The following FKBP11 variants were observed in gnomAD, a reference collection of about 807,000 sequenced individuals.
FKBP11 encodes peptidyl-prolyl cis-trans isomerase FKBP11.
Under a neutral mutation model 24.7 loss-of-function variants are expected in FKBP11, and 21 were observed. That is an observed-to-expected ratio of 0.85 (90% CI 0.60 to 1.23). FKBP11 has a LOEUF of 1.23. Among genes scored for constraint, FKBP11 ranks in the 50% most tolerant of loss-of-function variants. The pLI, the probability that FKBP11 is intolerant of heterozygous loss-of-function variation, is 0.00. For synonymous variants in FKBP11, 106 were observed against 100.6 expected, an observed-to-expected ratio of 1.05 and a Z score of -0.32; for missense variants, 245 against 248.7, an observed-to-expected ratio of 0.99 and a Z score of 0.10.
rs371280157 is a variant in FKBP11, at chr12:48,925,436, C to T, written c.-8G>A. On this transcript the variant is annotated 5_prime_UTR_variant, in exon 1 of 6. Transcript: ENST00000550765. Reference sequence around the variant, plus strand: ...TGAGGGGCGCAGGGTCATGACTGGGCGCGGGGCAGGGAGCCGGGGCACCAG... The same window carrying T: ...TGAGGGGCGCAGGGTCATGACTGGGTGCGGGGCAGGGAGCCGGGGCACCAG... The T allele has an allele frequency of 6.7e-4, 1,036 of 1,557,280 alleles. No homozygotes were observed. The highest frequency in any genetic ancestry group is 8.5e-4 in the Middle Eastern group (5 of 5,854).
chr12:48,935,018 C>CAAAAAAA, the FKBP11 span, among the ~76,000 whole-genome samples: 5 of 87,528 alleles, frequency 5.7e-5, no homozygotes, highest in African/African-American at 9.6e-5. Flanking sequence ...AATTCCGTCT[C>CAAAAAAA]AAAAAAAAAA....
At chr12:48,932,451 A>C in the FKBP11 span, among the ~76,000 whole-genome samples, 1 of 149,956 alleles carries the variant, frequency 6.7e-6, no homozygotes, top group Admixed American at 6.7e-5. Context: ...CCCCCAGCTG[A>C]CTAGATGTTT....
the FKBP11 span, among the ~76,000 whole-genome samples, chr12:48,934,860 A>G: frequency 6.6e-6 from 1 of 151,716 alleles, no homozygotes; most frequent in Admixed American, 6.6e-5. Context: ...TAAAAATACA[A>G]AATTAGCCGG....
upstream of FKBP11, among the ~76,000 whole-genome samples, chr12:48,930,551 T>C (rs140939430): frequency 3.8e-3 from 572 of 152,288 alleles, 2 homozygotes; most frequent in African/African-American, 0.013. Context: ...ACAAGATATA[T>C]AGCAATACAA....
the FKBP11 span, chr12:48,931,527 A>G: frequency 6.8e-7 from 1 of 1,466,744 alleles, no homozygotes; most frequent in Admixed American, 2.0e-5. Flanking sequence ...GAAAGATAGG[A>G]GAGTTGGCCC....
At chr12:48,930,871 G>C (rs577697751), upstream of FKBP11, among the ~76,000 whole-genome samples, 1 of 152,322 alleles carries the variant, frequency 6.6e-6, no homozygotes, top group African/African-American at 2.4e-5. Context: ...GCTCACGCCT[G>C]TAATCCCAGC....
the FKBP11 span, chr12:48,938,235 CCAT>C: frequency 7.7e-4 from 281 of 364,114 alleles, no homozygotes; most frequent in Non-Finnish European, 1.4e-3. Flanking sequence ...GGTGAAGAAT[CCAT>C]CATCTGTCCT....
chr12:48,928,694 G>A (rs1310561252), upstream of FKBP11, among the ~76,000 whole-genome samples: 1 of 152,034 alleles, frequency 6.6e-6, no homozygotes, highest in East Asian at 1.9e-4. Flanking sequence ...GGCCAGGCCG[G>A]TGTTGAACTC....
intron 5 of FKBP11, chr12:48,922,901 C>T (rs1939867156): frequency 2.8e-6 from 3 of 1,067,480 alleles, no homozygotes; most frequent in Non-Finnish European, 3.4e-6. Flanking sequence ...GTAATCCCCG[C>T]ACTTTGGGAA....
At chr12:48,934,105 G>A in the FKBP11 span, among the ~76,000 whole-genome samples, 16 of 152,252 alleles carry the variant, frequency 1.1e-4, no homozygotes, top group African/African-American at 3.9e-4. Flanking sequence ...ATACATACTT[G>A]TCAACTTCCT....
the FKBP11 span, among the ~76,000 whole-genome samples, chr12:48,934,909 G>A: frequency 1.3e-5 from 2 of 151,622 alleles, no homozygotes; most frequent in African/African-American, 2.4e-5. Flanking sequence ...CTCCTCAGGA[G>A]GCTGAAGCAG....
upstream of FKBP11, among the ~76,000 whole-genome samples, chr12:48,927,063 A>G (rs553488121): frequency 2.1e-4 from 32 of 151,864 alleles, no homozygotes; most frequent in South Asian, 6.7e-3. Context: ...CAGCCTCAGC[A>G]TCCCGAAGTG....
chr12:48,924,984 G>A, intron 2 of FKBP11, 62 bp downstream of exon 2: 1 of 1,559,742 alleles, frequency 6.4e-7, no homozygotes, highest in Non-Finnish European at 8.7e-7. Flanking sequence ...AGCCAAAGCT[G>A]ACGTGTTTCA....
intron 2 of FKBP11, 158 bp from the exon 3 acceptor site, chr12:48,924,806 G>C (rs1050112659): frequency 1.7e-5 from 24 of 1,454,388 alleles, no homozygotes; most frequent in Non-Finnish European, 3.6e-6. Flanking sequence ...CAGAAGGCTG[G>C]CGCTTCTCGG....
chr12:48,932,536 G>A, the FKBP11 span, among the ~76,000 whole-genome samples: 2 of 151,742 alleles, frequency 1.3e-5, no homozygotes, highest in South Asian at 2.1e-4. Context: ...TTCCCCTATG[G>A]CTGTTCTAAT....
chr12:48,923,750 G>A, intron 5 of FKBP11, 32 bp downstream of exon 5: 1 of 1,606,536 alleles, frequency 6.2e-7, no homozygotes, highest in Non-Finnish European at 8.5e-7. Context: ...TGGGTATTTT[G>A]ATGGCCTGAG....
At chr12:48,932,225 ATTT>A in the FKBP11 span, among the ~76,000 whole-genome samples, 1 of 38,788 alleles carries the variant, frequency 2.6e-5, no homozygotes, top group Non-Finnish European at 4.5e-5. Context: ...ATAAACATAT[ATTT>A]ATATATATAT....
At position 48,923,721 on chromosome 12, in the gene FKBP11, C is replaced by T. The variant is rs374711050; in HGVS notation, c.388+61G>A. 3.5e-5 allele frequency: 55 copies of T among 1,587,558 alleles called. No individual in the cohort carries two copies. In the African/African-American group the frequency reaches 7.0e-4, roughly 20 times the overall value. ...CAAGCATCAAACAAAGTATATAGCT[C>T]CTTATAGCTCTTAGGGACTGGGTAT... On this transcript the variant is annotated intron_variant, in intron 5 of 5. Coordinates refer to ENST00000550765, the MANE Select transcript of FKBP11 (RefSeq NM_016594.3).
chr12:48,927,842 T>A (rs1939998232), upstream of FKBP11, among the ~76,000 whole-genome samples: 1 of 152,082 alleles, frequency 6.6e-6, no homozygotes, highest in Admixed American at 6.6e-5. Context: ...AAGTCCTTGT[T>A]AATTGCAGAG....
Sources: gnomAD v4.1 joint callset for allele counts (sites outside exome capture counted in the v4.1 genomes callset) on GRCh38, gnomAD v4.1.1 for gene constraint, MANE v1.5 for transcripts, NCBI Gene and HGNC (gene_info 2026-07-23, HGNC 2026-07-21) for gene names.